Variants in CASP9 observed in about 807,000 individuals in gnomAD.
CASP9 encodes the protein caspase 9.
Under a neutral mutation model 43.5 loss-of-function variants are expected in CASP9, and 29 were observed. The observed-to-expected ratio is 0.67, with a 90% confidence interval of 0.50 to 0.91. CASP9 has a LOEUF of 0.91. Among genes scored for constraint, CASP9 ranks in the 40% least tolerant of loss-of-function variants. The pLI is 0.00. For missense variants in CASP9, 575 were observed against 537.4 expected (o/e 1.07, Z -0.69); for synonymous variants, 206 against 211.9 (o/e 0.97, Z 0.24).
rs4646056 is a variant in CASP9 at position 15,504,091 on chromosome 1, C to T, written c.868+520G>A. Among the ~76,000 whole-genome samples the T allele has an allele frequency of 1.7e-3, 253 of 152,332 alleles. 4 individuals are homozygous for T. In the South Asian group the frequency reaches 0.019, roughly 12 times the overall value. On this transcript the variant is annotated intron_variant, in intron 6 of 8. Transcript: ENST00000333868. ...TCGAACTCCTGGCTCAAGCAATCCT[C>T]CTGCCTCGGCCTCCCAAAGTGTTGG...
At chr1:15,518,745 T>G (rs190812786) in intron 1 of CASP9, among the ~76,000 whole-genome samples, 1 of 152,326 alleles carries the variant, frequency 6.6e-6, no homozygotes, top group East Asian at 1.9e-4. Context: ...ATGAAGTGAA[T>G]AGCGAATTCA....
chr1:15,516,739 A>G (rs1045581242), intron 2 of CASP9, among the ~76,000 whole-genome samples: 3 of 152,228 alleles, frequency 2.0e-5, no homozygotes, highest in African/African-American at 7.2e-5. Context: ...TCCTGCAGTC[A>G]GAACTAGACG....
At position 15,492,605 on chromosome 1, in the gene CASP9, G is replaced by A. The variant is rs1287041281; in HGVS notation, c.*338C>T. The A allele has an allele frequency of 3.3e-6, 1 of 304,866 alleles. No individual in the cohort carries two copies. The highest frequency in any genetic ancestry group is 2.1e-5 in the African/African-American group (1 of 47,032). 18.9% of individuals were successfully genotyped at this position (304,866 alleles called of 1,614,324 possible). On this transcript the variant is annotated 3_prime_UTR_variant, in exon 9 of 9. Transcript: ENST00000333868. ...ATGTACAGGACAGCCTCACAGCAAA[G>A]GGTGACCTGGCCCCACATGTCAGTA... is the stretch of plus-strand genomic sequence containing the variant.
At chr1:15,518,462 C>G in intron 1 of CASP9, 67 bp from the exon 2 acceptor site, 3 of 1,514,752 alleles carry the variant, frequency 2.0e-6, no homozygotes, top group Non-Finnish European at 2.7e-6. Flanking sequence ...CCTTGTCTCC[C>G]CATTTCCCAG....
At chr1:15,496,116 C>T (rs144826243) in intron 6 of CASP9, among the ~76,000 whole-genome samples, 15 of 150,462 alleles carry the variant, frequency 1.0e-4, no homozygotes, top group African/African-American at 3.7e-4. Flanking sequence ...CTTAAATTGA[C>T]TGAGACCTGT....
At position 15,491,714 on chromosome 1, in the gene CASP9, C is replaced by A; in HGVS notation, c.*1229G>T. 1 of 187,508 alleles carries A rather than the reference C, an allele frequency of 5.3e-6. No homozygotes were observed. Among genetic ancestry groups the A allele is most frequent in the South Asian group, 1.0e-4 (1 of 9,734 alleles). 11.6% of individuals were successfully genotyped at this position (187,508 alleles called of 1,614,324 possible). On this transcript the variant is annotated 3_prime_UTR_variant, in exon 9 of 9. Transcript: ENST00000333868. ...TCGAGACTGCAATAAGCCAAGATTG[C>A]GTCATTGCACTCCAGCCTGGGCGAC...
intron 8 of CASP9, 145 bp downstream of exon 8, chr1:15,493,747 C>A: frequency 6.6e-7 from 1 of 1,519,502 alleles, no homozygotes; most frequent in African/African-American, 1.4e-5. Context: ...CACAAAAGTG[C>A]CGACTCCAAG....
chr1:15,496,184 G>C (rs569615745), intron 6 of CASP9, among the ~76,000 whole-genome samples: 2 of 81,028 alleles, frequency 2.5e-5, no homozygotes, highest in Non-Finnish European at 5.0e-5. Flanking sequence ...CATCTCAATT[G>C]ATGCAGAAAA....
At chr1:15,513,160 CAA>C (rs377408698) in intron 2 of CASP9, among the ~76,000 whole-genome samples, 16 of 63,744 alleles carry the variant, frequency 2.5e-4, no homozygotes, top group African/African-American at 3.5e-4. Flanking sequence ...GACTCCGTCT[CAA>C]AAAAAAAAAA....
intron 2 of CASP9, among the ~76,000 whole-genome samples, chr1:15,511,708 T>C (rs536618259): frequency 5.9e-4 from 90 of 152,312 alleles, no homozygotes; most frequent in Admixed American, 1.3e-3. Context: ...CCAGCCTACC[T>C]AGATACCTTT....
chr1:15,507,851 C>A, intron 3 of CASP9, 22 bp downstream of exon 3: 2 of 1,613,340 alleles, frequency 1.2e-6, no homozygotes, highest in Non-Finnish European at 8.5e-7. Context: ...GAGCTACTGG[C>A]CCAAATTTCA....
At chr1:15,499,794 A>G (rs138037241) in intron 6 of CASP9, among the ~76,000 whole-genome samples, 2 of 152,376 alleles carry the variant, frequency 1.3e-5, no homozygotes, top group Non-Finnish European at 2.9e-5. Flanking sequence ...GACTGTGCTC[A>G]TGGGCTGGAA....
intron 1 of CASP9, among the ~76,000 whole-genome samples, chr1:15,519,018 G>T (rs1710073529): frequency 1.3e-5 from 2 of 151,772 alleles, no homozygotes; most frequent in African/African-American, 4.8e-5. Context: ...GGGGTTACAG[G>T]CACACACCAC....
intron 6 of CASP9, among the ~76,000 whole-genome samples, chr1:15,499,283 CGTT>C (rs991648695): frequency 6.6e-6 from 1 of 152,098 alleles, no homozygotes; most frequent in African/African-American, 2.4e-5. Flanking sequence ...TAAAATCAGT[CGTT>C]GTATACCTTA....
chr1:15,495,213 C>T (rs546226046), intron 7 of CASP9, 60 bp downstream of exon 7: 1 of 1,491,646 alleles, frequency 6.7e-7, no homozygotes, highest in South Asian at 1.2e-5. Flanking sequence ...CACACAGCTG[C>T]CTCTAGGGCA....
chr1:15,515,378 A>C (rs1199241340), intron 2 of CASP9, among the ~76,000 whole-genome samples: 1 of 152,194 alleles, frequency 6.6e-6, no homozygotes, highest in African/African-American at 2.4e-5. Flanking sequence ...TTATGCAGCA[A>C]GTACTCAATA....
intron 2 of CASP9, among the ~76,000 whole-genome samples, chr1:15,516,582 C>A (rs1294209594): frequency 6.6e-6 from 1 of 152,118 alleles, no homozygotes; most frequent in Non-Finnish European, 1.5e-5. Flanking sequence ...CTCATGTAGT[C>A]CTCCTGCCTC....
chr1:15,498,348 G>A (rs1027260974), intron 6 of CASP9, among the ~76,000 whole-genome samples: 1 of 143,100 alleles, frequency 7.0e-6, no homozygotes, highest in Non-Finnish European at 1.5e-5. Context: ...CAAAGTGCTG[G>A]GATTACAGGC....
intron 1 of CASP9, among the ~76,000 whole-genome samples, chr1:15,523,503 T>G (rs998877951): frequency 6.6e-6 from 1 of 152,216 alleles, no homozygotes; most frequent in Non-Finnish European, 1.5e-5. Context: ...AGACCAACCA[T>G]GAAGAATTCC....
Sources: allele counts gnomAD v4.1 joint callset (sites outside exome capture counted in the v4.1 genomes callset), GRCh38; gene constraint gnomAD v4.1.1; transcripts MANE v1.5; gene names NCBI Gene and HGNC (gene_info 2026-07-23, HGNC 2026-07-21).